OGDH: variants seen among roughly 807,000 people sequenced by gnomAD.
The protein encoded by OGDH is 2-oxoglutarate dehydrogenase complex component E1.
A neutral mutation model predicts 116.6 loss-of-function variants in OGDH; 38 were observed. The ratio of observed to expected loss-of-function variants is 0.33; its 90% CI spans 0.25 to 0.43. The LOEUF (loss-of-function observed/expected upper bound fraction) is 0.43. Ranked by LOEUF, OGDH falls within the 20% of genes least tolerant of loss-of-function variation. The pLI, the probability that OGDH is intolerant of heterozygous loss-of-function variation, is 1.00. For missense variants in OGDH, 825 were observed against 1,357.2 expected (o/e 0.61, Z 6.16); for synonymous variants, 488 against 533.3 (o/e 0.92, Z 1.17).
intron 1 of OGDH, among the ~76,000 whole-genome samples, chr7:44,616,847 G>A (rs1428596433): frequency 5.7e-5 from 7 of 122,184 alleles, no homozygotes; most frequent in South Asian, 2.6e-4. Flanking sequence ...ACATATACGT[G>A]TATATATATA....
intron 9 of OGDH, among the ~76,000 whole-genome samples, chr7:44,679,250 A>G (rs1019528425): frequency 5.3e-5 from 8 of 152,186 alleles, no homozygotes; most frequent in African/African-American, 1.9e-4. Flanking sequence ...GGAAGAAACA[A>G]CACACTATCG....
chr7:44,682,393 A>G (rs549649261), intron 10 of OGDH, among the ~76,000 whole-genome samples: 15 of 151,932 alleles, frequency 9.9e-5, no homozygotes, highest in African/African-American at 3.6e-4. Context: ...TTCAAAAAAA[A>G]AAAAGAAAAG....
At chr7:44,636,285 A>G (rs916357397) in intron 2 of OGDH, among the ~76,000 whole-genome samples, 1 of 152,200 alleles carries the variant, frequency 6.6e-6, no homozygotes, top group Non-Finnish European at 1.5e-5. Flanking sequence ...TATATTTGCC[A>G]CCCTCAGAAA....
chr7:44,622,558 C>T (rs78615631), intron 1 of OGDH, among the ~76,000 whole-genome samples: 1,610 of 152,214 alleles, frequency 0.011, 28 homozygotes, highest in African/African-American at 0.037. Context: ...ACTCTAAGCC[C>T]TCTCTCTTGG....
At position 44,624,239 on chromosome 7, in the gene OGDH, G is replaced by A. The variant is rs541316566; in HGVS notation, c.-27-78G>A. ...AAATTATCCTTTCTCTAGAGCATCA[G>A]GATCTAGTAGCCTTGTCTCCTAAAT... On this transcript the variant is annotated intron_variant, in intron 1 of 22. Transcript: ENST00000222673. The A allele has an allele frequency of 1.7e-5, 16 of 957,778 alleles. No homozygotes were observed. The African/African-American group carries it at 2.2e-4, about 13-fold the overall frequency. The allele number at this position is 957,778 out of a possible 1,614,324, so 59.3% of individuals were successfully genotyped here. A position where few individuals can be genotyped will look rare whatever the true frequency, so the allele number is the denominator to read the frequency against.
chr7:44,616,806 T>TAC (rs1491568368), intron 1 of OGDH, among the ~76,000 whole-genome samples: 12 of 80,846 alleles, frequency 1.5e-4, no homozygotes, highest in African/African-American at 5.1e-4. Flanking sequence ...TGTATATATA[T>TAC]GCATATATAC....
intron 2 of OGDH, among the ~76,000 whole-genome samples, chr7:44,627,837 T>C (rs1812036): frequency 0.43 from 65,924 of 151,838 alleles, 14,452 homozygotes; most frequent in East Asian, 0.6. Flanking sequence ...CCACCACGCC[T>C]GGCTAATTTT....
intron 4 of OGDH, among the ~76,000 whole-genome samples, chr7:44,653,211 G>A (rs921691086): frequency 1.3e-5 from 2 of 152,132 alleles, no homozygotes; most frequent in Admixed American, 1.3e-4. Context: ...TCGTGCCTCA[G>A]CCTCTCAAGT....
intron 19 of OGDH, among the ~76,000 whole-genome samples, chr7:44,700,722 A>G (rs7793148): frequency 0.022 from 3,415 of 152,230 alleles, 121 homozygotes; most frequent in African/African-American, 0.078. Context: ...GATTCATAAA[A>G]AGGAAGGAGG....
intron 19 of OGDH, 21 bp from the exon 20 acceptor site, chr7:44,701,522 G>T: frequency 1.2e-6 from 2 of 1,608,774 alleles, no homozygotes; most frequent in Non-Finnish European, 1.7e-6. Context: ...TCCTTCACGA[G>T]CCTATTGTTC....
intron 19 of OGDH, 54 bp downstream of exon 19, chr7:44,700,323 G>A (rs1473681268): frequency 6.3e-7 from 1 of 1,599,788 alleles, no homozygotes; most frequent in Non-Finnish European, 8.5e-7. Flanking sequence ...CCCTGTTGGT[G>A]CAGGGAAGGG....
chr7:44,658,083 C>G (rs1370507055), intron 4 of OGDH, among the ~76,000 whole-genome samples: 1 of 152,180 alleles, frequency 6.6e-6, no homozygotes, highest in Non-Finnish European at 1.5e-5. Context: ...TTTAACTATT[C>G]AAGGGCCTTT....
intron 18 of OGDH, 65 bp from the exon 19 acceptor site, chr7:44,700,076 C>T: frequency 6.4e-7 from 1 of 1,559,782 alleles, no homozygotes; most frequent in Non-Finnish European, 8.8e-7. Context: ...ACCTGAGGGC[C>T]CCCACATGCC....
At chr7:44,640,574 G>A (rs1785885868) in intron 2 of OGDH, among the ~76,000 whole-genome samples, 1 of 152,204 alleles carries the variant, frequency 6.6e-6, no homozygotes. Flanking sequence ...CTAGGATAAA[G>A]GAGGCTGTCT....
At chr7:44,636,963 C>A (rs1174930491) in intron 2 of OGDH, among the ~76,000 whole-genome samples, 1 of 152,102 alleles carries the variant, frequency 6.6e-6, no homozygotes, top group Non-Finnish European at 1.5e-5. Flanking sequence ...GCCTGCGAAC[C>A]ACCCCTCCCT....
chr7:44,663,001 A>G (rs1004151246), intron 4 of OGDH, among the ~76,000 whole-genome samples: 1 of 152,156 alleles, frequency 6.6e-6, no homozygotes, highest in Non-Finnish European at 1.5e-5. Flanking sequence ...GGAAGTTTTT[A>G]GCTAAGTACC....
At position 44,707,735 on chromosome 7, in the gene OGDH, T is replaced by G; in HGVS notation, c.2950T>G (p.Trp984Gly). The G allele has an allele frequency of 6.2e-7, 1 of 1,614,152 alleles. No homozygotes were observed. Residue 984 changes from tryptophan (W) to glycine (G), a missense_variant and splice_region_variant, in exon 22 of 23, where the codon TGG (tryptophan) becomes GGG (glycine). Physicochemically the swap from Trp to Gly is radical, Grantham distance 184. This residue lies in a region of OGDH where 212 missense variants were observed against 284.3 expected (regional missense o/e 0.75). Coordinates refer to ENST00000222673, the MANE Select transcript of OGDH (RefSeq NM_002541.4). This position sits in a 1 kb window ranked among gnomAD's most constrained non-coding sequence, Gnocchi z 5.2. ...RTTISRAKPV[W>G]YAGRDPAAAP... Reference sequence around the variant, plus strand: ...CACCATCAGCCGCGCCAAGCCCGTCTGGTAAGGCTTCAGTCCCTGCCAGGA... The same window carrying G: ...CACCATCAGCCGCGCCAAGCCCGTCGGGTAAGGCTTCAGTCCCTGCCAGGA...
rs754710972 is a variant in OGDH at position 44,647,667 on chromosome 7, A to G, written c.425A>G (p.His142Arg). ...SLIRAYQIRG[H>R]HVAQLDPLGI... ...GTTGGCCACTCATAGATACGAGGGC[A>G]CCATGTAGCACAGCTGGACCCCCTG... Residue 142 changes from histidine (H) to arginine (R), a missense_variant, in exon 4 of 23, where the codon CAC (histidine) becomes CGC (arginine). Physicochemically the swap from His to Arg is conservative, Grantham distance 29. Transcript: ENST00000222673. 1 of 1,613,418 alleles carries G rather than the reference A, an allele frequency of 6.2e-7. No individual in the cohort carries two copies. The highest frequency in any genetic ancestry group is 8.5e-7 in the Non-Finnish European group (1 of 1,179,810).
intron 3 of OGDH, chr7:44,647,372 C>A: frequency 9.9e-7 from 1 of 1,009,426 alleles, no homozygotes; most frequent in Non-Finnish European, 1.5e-6. Flanking sequence ...GTTTGCATAA[C>A]CTGTGACTCT....
Sources: gnomAD v4.1 joint callset for allele counts (sites outside exome capture counted in the v4.1 genomes callset) on GRCh38, gnomAD v4.1.1 for gene constraint, gnomAD v4.1.1 regional missense constraint, Gnocchi (gnomAD v3.1) non-coding constraint, MANE v1.5 for transcripts, NCBI Gene and HGNC (gene_info 2026-07-23, HGNC 2026-07-21) for gene names.